Variants in DIAPH2 observed in about 807,000 individuals in gnomAD.
DIAPH2 encodes the protein protein diaphanous homolog 2.
A neutral mutation model predicts 92.7 loss-of-function variants in DIAPH2; 35 were observed. The ratio of observed to expected loss-of-function variants is 0.38; its 90% confidence interval spans 0.29 to 0.50. DIAPH2 has a LOEUF of 0.50. DIAPH2 is among the 20% of genes least tolerant of loss of function. The pLI, the probability that DIAPH2 is intolerant of heterozygous loss-of-function variation, is 0.94. For synonymous variants in DIAPH2, 301 were observed against 280.4 expected (o/e 1.07, Z -0.73); for missense variants, 701 against 819.5 (o/e 0.86, Z 1.77).
At chrX:96,903,300 G>A (rs2065411486) in intron 5 of DIAPH2, among the ~76,000 whole-genome samples, 1 of 111,362 alleles carries the variant, frequency 9.0e-6, no homozygotes, top group Non-Finnish European at 1.9e-5. Context: ...ACATAAACTT[G>A]GTATGAGCTC....
chrX:96,824,019 A>G (rs1380250042), intron 4 of DIAPH2, among the ~76,000 whole-genome samples: 1 of 109,918 alleles, frequency 9.1e-6, no homozygotes, highest in African/African-American at 3.3e-5. Context: ...AAATAGATAT[A>G]TAAATATCTT....
intron 23 of DIAPH2, among the ~76,000 whole-genome samples, chrX:97,293,470 C>T (rs1476297800): frequency 9.1e-6 from 1 of 110,025 alleles, no homozygotes; most frequent in Non-Finnish European, 1.9e-5. Flanking sequence ...CCAGGATGGT[C>T]TCTGTCTCCT....
chrX:97,291,681 C>T lies in DIAPH2; in HGVS notation c.2844+43842C>T, dbSNP rs184813736. On this transcript the variant is annotated intron_variant, in intron 23 of 26. Transcript: ENST00000324765. ...CCAAGTAGCTGAGATTACAGGCACC[C>T]GCCACATCTCCCGGCTAATTTTTGT... is the stretch of plus-strand genomic sequence containing the variant. Among the ~76,000 whole-genome samples, 471 of 109,152 alleles carry T rather than the reference C, an allele frequency of 4.3e-3. 3 individuals carry two copies. Among genetic ancestry groups the T allele is most frequent in the African/African-American group, 0.014 (409 of 29,988 alleles). The allele number at this position is 109,152 out of a possible 115,157, so 94.8% of individuals were successfully genotyped here. A position where few individuals can be genotyped will look rare whatever the true frequency, so the allele number is the denominator to read the frequency against.
At chrX:97,577,244 G>C (rs371002850) in intron 26 of DIAPH2, among the ~76,000 whole-genome samples, 1 of 112,185 alleles carries the variant, frequency 8.9e-6, no homozygotes, top group Non-Finnish European at 1.9e-5. Context: ...TGTCCTGCAC[G>C]AATATGTATA....
chrX:97,327,589 C>T (rs2068963005), intron 23 of DIAPH2, among the ~76,000 whole-genome samples: 2 of 111,085 alleles, frequency 1.8e-5, no homozygotes, highest in African/African-American at 6.5e-5. Context: ...CCTGCCACCA[C>T]ACCTGGCTAC....
intron 26 of DIAPH2, among the ~76,000 whole-genome samples, chrX:97,482,991 T>C (rs892243082): frequency 2.0e-4 from 22 of 111,403 alleles, no homozygotes; most frequent in Admixed American, 4.8e-4. Context: ...TCCAGTCAGA[T>C]AAAAATAGGC....
intron 4 of DIAPH2, among the ~76,000 whole-genome samples, chrX:96,861,276 TAACAA>T (rs1033656830): frequency 1.1e-3 from 128 of 111,676 alleles, no homozygotes; most frequent in South Asian, 3.8e-4. Context: ...ATCTTAATGC[TAACAA>T]AACAAAACAA....
chrX:97,141,418 CA>C (rs2067207940), intron 21 of DIAPH2, among the ~76,000 whole-genome samples: 1 of 111,247 alleles, frequency 9.0e-6, no homozygotes, highest in Non-Finnish European at 1.9e-5. Flanking sequence ...CATTTTGCCA[CA>C]ATAATTTAGA....
rs2065111809 is a variant in DIAPH2, at chrX:96,867,408, CA to C, written c.448-14170del. ...TTATTTTTTGTATTTTTAGTAGAGA[CA>C]GGGTTTTACCACGTTGGCCAGGCTG... is the stretch of plus-strand genomic sequence containing the variant. On this transcript the variant is annotated intron_variant, in intron 4 of 26. Coordinates refer to ENST00000324765, the MANE Select transcript of DIAPH2 (RefSeq NM_006729.5). 3.6e-5 allele frequency among the ~76,000 whole-genome samples: 4 copies of C among 110,649 alleles called. No individual in the cohort carries two copies. In the South Asian group the frequency reaches 1.6e-3, roughly 43 times the overall value.
At chrX:97,474,635 G>A (rs951597701) in intron 26 of DIAPH2, among the ~76,000 whole-genome samples, 6 of 110,057 alleles carry the variant, frequency 5.5e-5, no homozygotes, top group Non-Finnish European at 7.6e-5. Flanking sequence ...GTGTGGTGGC[G>A]GGTGCCTGTA....
intron 17 of DIAPH2, among the ~76,000 whole-genome samples, chrX:96,965,474 C>T (rs1410586279): frequency 9.0e-6 from 1 of 111,062 alleles, no homozygotes; most frequent in Non-Finnish European, 1.9e-5. Context: ...TTGCACTGCT[C>T]CATTATAAAA....
intron 17 of DIAPH2, among the ~76,000 whole-genome samples, chrX:96,975,901 G>A (rs1223323566): frequency 9.0e-6 from 1 of 111,232 alleles, no homozygotes; most frequent in African/African-American, 3.3e-5. Context: ...CCATCACCTT[G>A]TGTGTAGGTT....
chrX:97,129,107 T>TTTTCTTTTCTTTTCTTTTCTTTTC (rs1569308045), intron 21 of DIAPH2, among the ~76,000 whole-genome samples: 42 of 69,761 alleles, frequency 6.0e-4, no homozygotes, highest in African/African-American at 2.5e-3. Flanking sequence ...TTTTCTTTTC[T>TTTTCTTTTCTTTTCTTTTCTTTTC]TTTCTTTTCT....
chrX:97,472,794 G>A (rs1433372334), intron 26 of DIAPH2, among the ~76,000 whole-genome samples: 1 of 112,137 alleles, frequency 8.9e-6, no homozygotes, highest in African/African-American at 3.2e-5. Context: ...CTAGTGTTTA[G>A]CATAATGCTT....
intron 23 of DIAPH2, among the ~76,000 whole-genome samples, chrX:97,299,090 A>G (rs759640786): frequency 8.9e-6 from 1 of 111,859 alleles, no homozygotes; most frequent in East Asian, 2.8e-4. Context: ...AGGCCAATTG[A>G]GCAGTCATTT....
At chrX:96,720,320 A>T (rs371167199) in intron 1 of DIAPH2, among the ~76,000 whole-genome samples, 21 of 111,507 alleles carry the variant, frequency 1.9e-4, no homozygotes, top group East Asian at 1.1e-3. Flanking sequence ...CACAGGCTCC[A>T]GCTCAGGCAC....
At chrX:96,928,517 T>C (rs1436669062) in intron 9 of DIAPH2, among the ~76,000 whole-genome samples, 1 of 111,493 alleles carries the variant, frequency 9.0e-6, no homozygotes, top group Non-Finnish European at 1.9e-5. Context: ...GGGCAGCACT[T>C]GTGTAACGGC....
At chrX:97,416,188 C>T (rs58888783) in intron 25 of DIAPH2, among the ~76,000 whole-genome samples, 79 of 112,304 alleles carry the variant, frequency 7.0e-4, no homozygotes, top group African/African-American at 2.5e-3. Flanking sequence ...ATCCTTCCCC[C>T]TTCCATCTTG....
At chrX:97,420,982 CTGTT>C (rs1284687553) in intron 25 of DIAPH2, among the ~76,000 whole-genome samples, 1 of 112,301 alleles carries the variant, frequency 8.9e-6, no homozygotes, top group East Asian at 2.8e-4. Flanking sequence ...TAGTTACCAT[CTGTT>C]GATTTTCCAA....
Sources: gnomAD v4.1 joint callset for allele counts (sites outside exome capture counted in the v4.1 genomes callset) on GRCh38, gnomAD v4.1.1 for gene constraint, MANE v1.5 for transcripts, NCBI Gene and HGNC (gene_info 2026-07-23, HGNC 2026-07-21) for gene names.